HSPA14: variants seen among roughly 807,000 people sequenced by gnomAD.
The protein encoded by HSPA14 is heat shock protein family A (Hsp70) member 14.
HSPA14 carries 37 observed loss-of-function variants against 65.5 expected under a neutral mutation model. The ratio of observed to expected loss-of-function variants is 0.56; its 90% CI spans 0.43 to 0.74. The LOEUF is 0.74. HSPA14 is among the 30% of genes least tolerant of loss of function. The pLI is 0.00. For synonymous variants in HSPA14, 203 were observed against 214.2 expected, an observed-to-expected ratio of 0.95 and a Z score of 0.46; for missense variants, 564 against 607.6, an observed-to-expected ratio of 0.93 and a Z score of 0.75.
chr10:14,857,598 CT>C (rs992868413), intron 10 of HSPA14, among the ~76,000 whole-genome samples: 32 of 151,928 alleles, frequency 2.1e-4, no homozygotes, highest in Non-Finnish European at 2.6e-4. Context: ...TCATTTAAAT[CT>C]TTTTTTTAAA....
chr10:14,839,397 A>C lies in HSPA14; in HGVS notation c.58-508A>C, dbSNP rs1324800173. ...TAGACCAGCCTGGCTAACATGGTGA[A>C]ACCCCGCCTCTACTAAAAATACTAA... On this transcript the variant is annotated intron_variant, in intron 1 of 13. Transcript: ENST00000378372. Among the ~76,000 whole-genome samples, 4 of 152,144 alleles carry C rather than the reference A, an allele frequency of 2.6e-5. No homozygotes were observed. In the South Asian group the frequency reaches 8.3e-4, roughly 32 times the overall value.
chr10:14,849,288 C>G (rs118114103), intron 5 of HSPA14: 2 of 410,544 alleles, frequency 4.9e-6, no homozygotes, highest in African/African-American at 4.1e-5. Context: ...GGTATTCTGT[C>G]GAACAATTTG....
chr10:14,842,950 C>T lies in HSPA14; in HGVS notation c.221+2793C>T. 1 of 847,032 alleles carries T rather than the reference C, an allele frequency of 1.2e-6. No homozygotes were observed. Among genetic ancestry groups the T allele is most frequent in the Non-Finnish European group, 1.8e-6 (1 of 562,150 alleles). The allele number at this position is 847,032 out of a possible 1,614,324, so 52.5% of individuals were successfully genotyped here. ...GTCCTCTTCAGCATAGTTCCTGTTTCTGCCTCATTCTGCCCCACGCACCTT... is the reference window on the plus strand; with the variant it reads ...GTCCTCTTCAGCATAGTTCCTGTTTTTGCCTCATTCTGCCCCACGCACCTT... On this transcript the variant is annotated intron_variant, in intron 3 of 13. Coordinates refer to ENST00000378372, the MANE Select transcript of HSPA14 (RefSeq NM_016299.4). This position sits in a 1 kb window ranked among gnomAD's most constrained non-coding sequence, Gnocchi z 5.2.
At chr10:14,846,408 T>C (rs1834053822) in intron 3 of HSPA14, 1 of 985,414 alleles carries the variant, frequency 1.0e-6, no homozygotes, top group Non-Finnish European at 1.2e-6. Flanking sequence ...TGAAATTCAA[T>C]GGGTAAAGTA....
intron 7 of HSPA14, among the ~76,000 whole-genome samples, chr10:14,851,719 ACTT>A (rs1466424731): frequency 2.0e-5 from 3 of 152,188 alleles, no homozygotes; most frequent in Non-Finnish European, 4.4e-5. Context: ...AGGTTTTGAG[ACTT>A]CTTTTAATGG....
intron 11 of HSPA14, 62 bp downstream of exon 11, chr10:14,867,357 A>G (rs991643175): frequency 8.6e-7 from 1 of 1,163,218 alleles, no homozygotes; most frequent in East Asian, 2.4e-5. Context: ...TTACATAAAA[A>G]TAGTAAATTA....
intron 10 of HSPA14, among the ~76,000 whole-genome samples, chr10:14,856,512 G>A: frequency 6.6e-6 from 1 of 152,084 alleles, no homozygotes; most frequent in East Asian, 1.9e-4. Context: ...CAAATGTTTA[G>A]TATTTTCTTT....
At chr10:14,867,368 A>G in intron 11 of HSPA14, 73 bp downstream of exon 11, 4 of 1,074,458 alleles carry the variant, frequency 3.7e-6, no homozygotes, top group Non-Finnish European at 5.6e-6. Context: ...TAGTAAATTA[A>G]TTGCCATAAG....
In HSPA14 at chr10:14,842,177, T is replaced by G; in HGVS notation, c.221+2020T>G. On this transcript the variant is annotated intron_variant, in intron 3 of 13. Transcript: ENST00000378372. This position sits in a 1 kb window ranked among gnomAD's most constrained non-coding sequence, Gnocchi z 5.2. ...GACCTGGCTTCTCAGCAATTATCCCTGAGAGGGAAGATCCTGGAGATATCC... is the reference window on the plus strand; with the variant it reads ...GACCTGGCTTCTCAGCAATTATCCCGGAGAGGGAAGATCCTGGAGATATCC... 6.5e-7 allele frequency: 1 copy of G among 1,535,032 alleles called. No homozygotes were observed.
chr10:14,844,439 A>G (rs980144859), intron 3 of HSPA14: 30 of 992,242 alleles, frequency 3.0e-5, no homozygotes, highest in Admixed American at 5.5e-5. Context: ...TGACTGCTTC[A>G]TGGAGTTTGA....
In HSPA14 at chr10:14,842,193, G is replaced by A. The variant is rs928668453; in HGVS notation, c.221+2036G>A. ...AATTATCCCTGAGAGGGAAGATCCT[G>A]GAGATATCCTGAGAGCACACAGAGC... On this transcript the variant is annotated intron_variant, in intron 3 of 13. Transcript: ENST00000378372. The surrounding 1 kb of genome is among the most constrained non-coding windows in gnomAD (Gnocchi z 5.2). 3.3e-6 allele frequency: 5 copies of A among 1,535,140 alleles called. No homozygotes were observed. The highest frequency in any genetic ancestry group is 4.4e-6 in the Non-Finnish European group (5 of 1,146,878).
intron 10 of HSPA14, among the ~76,000 whole-genome samples, chr10:14,856,213 T>C (rs1832691669): frequency 6.6e-6 from 1 of 152,224 alleles, no homozygotes; most frequent in Non-Finnish European, 1.5e-5. Context: ...ATACTTGCTA[T>C]GTGCCAGGCA....
At chr10:14,852,946 G>A (rs967186202) in intron 8 of HSPA14, among the ~76,000 whole-genome samples, 2 of 152,042 alleles carry the variant, frequency 1.3e-5, no homozygotes, top group African/African-American at 4.8e-5. Context: ...TTGTCTTATG[G>A]AATATTTATC....
chr10:14,845,591 TATTATTA>T (rs1834039013), intron 3 of HSPA14: 1 of 936,872 alleles, frequency 1.1e-6, no homozygotes, highest in Non-Finnish European at 1.3e-6. Context: ...CCTTTTCTAT[TATTATTA>T]TTTTTTTTTT....
At chr10:14,849,361 G>C in intron 5 of HSPA14, 1 of 483,580 alleles carries the variant, frequency 2.1e-6, no homozygotes, top group Non-Finnish European at 4.2e-6. Flanking sequence ...TTAAGAACTT[G>C]GGGGTTGGAA....
chr10:14,851,198 T>C (rs1306050216), intron 6 of HSPA14, 21 bp from the exon 7 acceptor site: 1 of 1,361,508 alleles, frequency 7.3e-7, no homozygotes. Context: ...ATTAAATTCA[T>C]TGAAAGCAAA....
In HSPA14 at chr10:14,842,280, C is replaced by G. The variant is rs1833983362; in HGVS notation, c.221+2123C>G. The G allele has an allele frequency of 6.5e-7, 1 of 1,534,824 alleles. No individual in the cohort carries two copies. Among genetic ancestry groups the G allele is most frequent in the East Asian group, 2.4e-5 (1 of 40,884 alleles). On this transcript the variant is annotated intron_variant, in intron 3 of 13. Coordinates refer to ENST00000378372, the MANE Select transcript of HSPA14 (RefSeq NM_016299.4). This position sits in a 1 kb window ranked among gnomAD's most constrained non-coding sequence, Gnocchi z 5.2. ...AAGCTGCCTAGCCCTCCTTTCCAAC[C>G]CACAATGGCCAGTGCCAATAGCAGT...
chr10:14,862,140 C>T (rs1012395200), intron 10 of HSPA14, among the ~76,000 whole-genome samples: 13 of 150,922 alleles, frequency 8.6e-5, no homozygotes, highest in Non-Finnish European at 1.6e-4. Context: ...CATTCTCCTG[C>T]CTCAGCCTCC....
At chr10:14,871,068 C>G (rs1832850443) in intron 13 of HSPA14, among the ~76,000 whole-genome samples, 1 of 152,104 alleles carries the variant, frequency 6.6e-6, no homozygotes, top group Admixed American at 6.5e-5. Context: ...TCAGCTATTG[C>G]CATTTTCCTA....
Sources: gnomAD v4.1 joint callset for allele counts (sites outside exome capture counted in the v4.1 genomes callset) on GRCh38, gnomAD v4.1.1 for gene constraint, Gnocchi (gnomAD v3.1) non-coding constraint, MANE v1.5 for transcripts, NCBI Gene and HGNC (gene_info 2026-07-23, HGNC 2026-07-21) for gene names.